Variants in DMD observed in about 807,000 individuals in gnomAD.
DMD encodes dystrophin, also known as mutant dystrophin.
DMD carries 63 observed loss-of-function variants against 330.1 expected under a neutral mutation model. The ratio of observed to expected loss-of-function variants is 0.19; its 90% CI spans 0.16 to 0.24. The LOEUF is 0.24. Among genes scored for constraint, DMD ranks in the 10% least tolerant of loss-of-function variants. The probability of loss-of-function intolerance (pLI) is 1.00; values close to 1 mark genes in which losing one functional copy is unlikely to be tolerated. For synonymous variants in DMD, 1,223 were observed against 959.8 expected, an observed-to-expected ratio of 1.27 and a Z score of -5.07; for missense variants, 3,344 against 2,684.1, an observed-to-expected ratio of 1.25 and a Z score of -5.43.
chrX:32,223,913 A>C (rs954437433), intron 43 of DMD, among the ~76,000 whole-genome samples: 3 of 111,739 alleles, frequency 2.7e-5, no homozygotes, highest in African/African-American at 9.7e-5. Flanking sequence ...TATGATGCAT[A>C]AAACACATTA....
At chrX:31,491,510 T>C (rs1356634483) in intron 57 of DMD, among the ~76,000 whole-genome samples, 1 of 112,537 alleles carries the variant, frequency 8.9e-6, no homozygotes, top group Non-Finnish European at 1.9e-5. Flanking sequence ...TCAAAAGACA[T>C]AAAAATTGGT....
rs141905967 is a variant in DMD at position 32,934,117 on chromosome X, A to G, written c.94-84297T>C. On this transcript the variant is annotated intron_variant, in intron 2 of 78. Transcript: ENST00000357033. ...AAAGATTATCAGTGAATCAATGAAT[A>G]TTGGTAGTCATCATCAAAAAACAAT... Among the ~76,000 whole-genome samples, 73 of 112,066 alleles carry G rather than the reference A, an allele frequency of 6.5e-4. No homozygotes were observed. The East Asian group carries it at 0.01, about 16-fold the overall frequency.
chrX:31,383,784 G>C (rs774781803), intron 60 of DMD, among the ~76,000 whole-genome samples: 1 of 112,010 alleles, frequency 8.9e-6, no homozygotes, highest in Non-Finnish European at 1.9e-5. Context: ...TAGCTTCAGA[G>C]AGGAGTCTGA....
intron 1 of DMD, among the ~76,000 whole-genome samples, chrX:33,274,375 G>A (rs1293140320): frequency 8.9e-6 from 1 of 111,917 alleles, no homozygotes; most frequent in East Asian, 2.8e-4. Flanking sequence ...TGAGAAATAA[G>A]GTGGGATCCA....
intron 47 of DMD, among the ~76,000 whole-genome samples, chrX:31,924,876 A>T (rs2094746677): frequency 8.9e-6 from 1 of 112,063 alleles, no homozygotes; most frequent in Non-Finnish European, 1.9e-5. Context: ...ATGGTATTTT[A>T]TGTGTAGATA....
chrX:31,475,541 G>C (rs778052715), intron 59 of DMD, among the ~76,000 whole-genome samples: 1 of 111,952 alleles, frequency 8.9e-6, no homozygotes, highest in Non-Finnish European at 1.9e-5. Context: ...AACTAATTTA[G>C]TTCCACTGGG....
At chrX:31,529,722 G>A (rs1011642669) in intron 55 of DMD, among the ~76,000 whole-genome samples, 9 of 111,901 alleles carry the variant, frequency 8.0e-5, no homozygotes, top group African/African-American at 2.6e-4. Flanking sequence ...CCCTCTCACC[G>A]TGGGGAGTAA....
intron 16 of DMD, among the ~76,000 whole-genome samples, chrX:32,554,906 A>G (rs1356113955): frequency 2.9e-5 from 1 of 34,542 alleles, no homozygotes; most frequent in African/African-American, 1.4e-4. Flanking sequence ...AGAAAGAAAG[A>G]AAGAAAGAAA....
At chrX:32,000,714 T>A (rs1311849238) in intron 44 of DMD, among the ~76,000 whole-genome samples, 2 of 112,103 alleles carry the variant, frequency 1.8e-5, no homozygotes, top group Non-Finnish European at 3.8e-5. Context: ...GAAGCTGTAC[T>A]TTCCAGTGGG....
At chrX:32,044,495 C>G (rs1286727917) in intron 44 of DMD, among the ~76,000 whole-genome samples, 1 of 110,191 alleles carries the variant, frequency 9.1e-6, no homozygotes, top group African/African-American at 3.3e-5. Flanking sequence ...GATCTCGGCT[C>G]ACTGCAAGCT....
At chrX:31,384,347 CTA>C (rs2060344942) in intron 60 of DMD, among the ~76,000 whole-genome samples, 1 of 110,179 alleles carries the variant, frequency 9.1e-6, no homozygotes, top group Admixed American at 9.7e-5. Flanking sequence ...ACTACTACTA[CTA>C]CTACTACTAC....
chrX:31,536,100 T>G (rs924871365), intron 55 of DMD, among the ~76,000 whole-genome samples: 1 of 111,978 alleles, frequency 8.9e-6, no homozygotes, highest in Non-Finnish European at 1.9e-5. Context: ...TCCTGGGAGT[T>G]AAAATCTCAA....
intron 7 of DMD, among the ~76,000 whole-genome samples, chrX:32,776,780 C>T (rs903104754): frequency 1.8e-5 from 2 of 111,830 alleles, no homozygotes; most frequent in Non-Finnish European, 3.8e-5. Context: ...GTTTCCAATA[C>T]AATGAGAAAT....
intron 57 of DMD, among the ~76,000 whole-genome samples, chrX:31,492,435 C>T (rs1397213289): frequency 8.9e-6 from 1 of 112,091 alleles, no homozygotes; most frequent in African/African-American, 3.2e-5. Flanking sequence ...AAACAGGCTA[C>T]TAAACTGTTC....
chrX:31,449,762 TGATATATA>T (rs1470579716), intron 59 of DMD, among the ~76,000 whole-genome samples: 1 of 49,874 alleles, frequency 2.0e-5, no homozygotes, highest in Non-Finnish European at 3.8e-5. Flanking sequence ...ATAAATGGTG[TGATATATA>T]TATATATATA....
At chrX:31,625,784 G>GA (rs1272838052) in intron 55 of DMD, among the ~76,000 whole-genome samples, 2 of 110,793 alleles carry the variant, frequency 1.8e-5, no homozygotes, top group African/African-American at 6.6e-5. Flanking sequence ...TTGTATAGTA[G>GA]AAAATAGACG....
At chrX:31,952,504 T>A (rs5927903) in intron 45 of DMD, among the ~76,000 whole-genome samples, 42,806 of 108,200 alleles carry the variant, frequency 0.4, 7,626 homozygotes, top group African/African-American at 0.67. Flanking sequence ...GTGATTTTTT[T>A]AAATTTTGGT....
intron 30 of DMD, among the ~76,000 whole-genome samples, chrX:32,393,265 A>G (rs1028791900): frequency 2.7e-5 from 3 of 111,174 alleles, no homozygotes; most frequent in African/African-American, 9.8e-5. Flanking sequence ...ACGCAAGGAT[A>G]TAGGAGTTGT....
At chrX:32,370,235 TTA>T (rs1471610211) in intron 34 of DMD, among the ~76,000 whole-genome samples, 137 of 92,581 alleles carry the variant, frequency 1.5e-3, no homozygotes, top group African/African-American at 4.6e-3. Flanking sequence ...TTTTTTTTTT[TTA>T]AATTCTCAGC....
Sources: allele counts gnomAD v4.1 joint callset (sites outside exome capture counted in the v4.1 genomes callset), GRCh38; gene constraint gnomAD v4.1.1; transcripts MANE v1.5; gene names NCBI Gene and HGNC (gene_info 2026-07-23, HGNC 2026-07-21).